Variants in CCL2 observed in about 807,000 individuals in gnomAD.
CCL2 encodes the protein C-C motif chemokine 2.
Under a neutral mutation model 6.7 loss-of-function variants are expected in CCL2, and 2 were observed. The ratio of observed to expected loss-of-function variants is 0.30; its 90% CI spans 0.12 to 0.94. CCL2 has a LOEUF of 0.94. Among genes scored for constraint, CCL2 ranks in the 40% least tolerant of loss-of-function variants. The probability of loss-of-function intolerance (pLI) is 0.54; values close to 1 mark genes in which losing one functional copy is unlikely to be tolerated. For synonymous variants in CCL2, 43 were observed against 45.2 expected, an observed-to-expected ratio of 0.95 and a Z score of 0.19; for missense variants, 89 against 119.3, an observed-to-expected ratio of 0.75 and a Z score of 1.18.
chr17:34,255,464 T>C, intron 1 of CCL2, 39 bp downstream of exon 1: 1 of 1,530,820 alleles, frequency 6.5e-7, no homozygotes, highest in Non-Finnish European at 9.1e-7. Context: ...CACATTGTCT[T>C]CTCTCTGAGT....
rs760761240 is a variant in CCL2 at position 34,256,290 on chromosome 17, G to A, written c.145G>A (p.Ala49Thr). 4.0e-5 allele frequency: 65 copies of A among 1,613,524 alleles called. No homozygotes were observed. Among genetic ancestry groups the A allele is most frequent in the East Asian group, 2.2e-4 (10 of 44,838 alleles). ...TNRKISVQRL[A>T]SYRRITSSKC... is the part of the protein sequence containing the mutation. ...TAGGAAGATCTCAGTGCAGAGGCTC[G>A]CGAGCTATAGAAGAATCACCAGCAG... Residue 49 changes from alanine to threonine, a missense_variant, in exon 2 of 3, where the codon GCG (alanine) becomes ACG (threonine). By Grantham distance (58) the Ala-to-Thr change is moderately conservative. Coordinates refer to ENST00000225831, the MANE Select transcript of CCL2 (RefSeq NM_002982.4).
Position 34,256,829 on chromosome 17 carries a change from C to G in CCL2, c.*2C>G. On this transcript the variant is annotated 3_prime_UTR_variant, in exon 3 of 3. Transcript: ENST00000225831. ...CAAACCCAAACTCCGAAGACTTGAA[C>G]ACTCACTCCACAACCCAAGAATCTG... 6.3e-7 allele frequency: 1 copy of G among 1,591,308 alleles called. No individual in the cohort carries two copies. The highest frequency in any genetic ancestry group is 2.2e-5 in the East Asian group (1 of 44,782).
At chr17:34,255,907 A>C in intron 1 of CCL2, 1 of 297,332 alleles carries the variant, frequency 3.4e-6, no homozygotes, top group East Asian at 6.7e-5. Flanking sequence ...TCCCCAGCTG[A>C]TCTTCCCTGG....
In CCL2 at chr17:34,256,791, C is replaced by T; in HGVS notation, c.264C>T (p.Asp88=). 2 of 1,613,674 alleles carry T rather than the reference C, an allele frequency of 1.2e-6. No individual in the cohort carries two copies. Among genetic ancestry groups the T allele is most frequent in the Non-Finnish European group, 1.7e-6 (2 of 1,179,636 alleles). ...AGAAGTGGGTTCAGGATTCCATGGACCACCTGGACAAGCAAACCCAAACTC... is the reference window on the plus strand; with the variant it reads ...AGAAGTGGGTTCAGGATTCCATGGATCACCTGGACAAGCAAACCCAAACTC... ...PKQKWVQDSM[D]HLDKQTQTPK... is the part of the protein sequence containing the mutation. Residue 88 remains aspartate, a synonymous_variant, in exon 3 of 3, where the codon GAC becomes GAT. Transcript: ENST00000225831.
At position 34,257,031 on chromosome 17, in the gene CCL2, G is replaced by A; in HGVS notation, c.*204G>A. On this transcript the variant is annotated 3_prime_UTR_variant, in exon 3 of 3. Coordinates refer to ENST00000225831, the MANE Select transcript of CCL2 (RefSeq NM_002982.4). The stretch of plus-strand genomic sequence containing the variant: ...TGTTTTTTAGATACAGAGACTTGGG[G>A]AAATTGCTTTTCCTCTTGAACCACA... The A allele has an allele frequency of 2.4e-6, 1 of 425,028 alleles. No individual in the cohort carries two copies. The allele number at this position is 425,028 out of a possible 1,614,324, so 26.3% of individuals were successfully genotyped here.
Position 34,255,337 on chromosome 17 carries a change from T to C in CCL2, c.-13T>C. The C allele has an allele frequency of 6.2e-7, 1 of 1,613,488 alleles. No individual in the cohort carries two copies. The highest frequency in any genetic ancestry group is 1.7e-4 in the Middle Eastern group (1 of 6,058). On this transcript the variant is annotated 5_prime_UTR_variant, in exon 1 of 3. Coordinates refer to ENST00000225831, the MANE Select transcript of CCL2 (RefSeq NM_002982.4). ...CCAATTCTCAAACTGAAGCTCGCAC[T>C]CTCGCCTCCAGCATGAAAGTCTCTG...
chr17:34,255,340 C>T lies in CCL2; in HGVS notation c.-10C>T, dbSNP rs774337603. 1.4e-5 allele frequency: 22 copies of T among 1,613,278 alleles called. No individual in the cohort carries two copies. Among genetic ancestry groups the T allele is most frequent in the East Asian group, 8.9e-5 (4 of 44,860 alleles). On this transcript the variant is annotated 5_prime_UTR_variant, in exon 1 of 3. Transcript: ENST00000225831. Reference sequence around the variant, plus strand: ...ATTCTCAAACTGAAGCTCGCACTCTCGCCTCCAGCATGAAAGTCTCTGCCG... The same window carrying T: ...ATTCTCAAACTGAAGCTCGCACTCTTGCCTCCAGCATGAAAGTCTCTGCCG...
At chr17:34,255,843 A>C in intron 1 of CCL2, 1 of 256,818 alleles carries the variant, frequency 3.9e-6, no homozygotes, top group Non-Finnish European at 7.4e-6. Context: ...TATCAGGGAA[A>C]CTCATGACCA....
chr17:34,255,509 A>C, intron 1 of CCL2, 84 bp downstream of exon 1: 1 of 1,237,154 alleles, frequency 8.1e-7, no homozygotes, highest in Non-Finnish European at 1.2e-6. Flanking sequence ...TGGTACCCAC[A>C]GTCTTGCTTT....
chr17:34,255,302 C>G lies in CCL2; in HGVS notation c.-48C>G, dbSNP rs938810884. 11 of 1,561,232 alleles carry G rather than the reference C, an allele frequency of 7.0e-6. No individual in the cohort carries two copies. The highest frequency in any genetic ancestry group is 8.8e-6 in the Non-Finnish European group (10 of 1,133,500). On this transcript the variant is annotated 5_prime_UTR_variant, in exon 1 of 3. Transcript: ENST00000225831. ...GAGGAACCGAGAGGCTGAGACTAAC[C>G]CAGAAACATCCAATTCTCAAACTGA... is the stretch of plus-strand genomic sequence containing the variant.
At position 34,255,480 on chromosome 17, in the gene CCL2, T is replaced by C. The variant is rs1907657884; in HGVS notation, c.76+55T>C. 4 of 1,450,828 alleles carry C rather than the reference T, an allele frequency of 2.8e-6. No individual in the cohort carries two copies. In the South Asian group the frequency reaches 4.6e-5, roughly 17 times the overall value. The allele number at this position is 1,450,828 out of a possible 1,614,324, so 89.9% of individuals were successfully genotyped here. A position where few individuals can be genotyped will look rare whatever the true frequency, so the allele number is the denominator to read the frequency against. On this transcript the variant is annotated intron_variant, in intron 1 of 2. Coordinates refer to ENST00000225831, the MANE Select transcript of CCL2 (RefSeq NM_002982.4). ...ACATTGTCTTCTCTCTGAGTTATCA[T>C]GGACCATCCAAGCAGACGTGGTACC...
chr17:34,255,481 G>T, intron 1 of CCL2, 56 bp downstream of exon 1: 1 of 1,446,734 alleles, frequency 6.9e-7, no homozygotes. Context: ...GAGTTATCAT[G>T]GACCATCCAA....
At chr17:34,255,774 C>G (rs1013118739) in intron 1 of CCL2, 1 of 294,352 alleles carries the variant, frequency 3.4e-6, no homozygotes, top group Non-Finnish European at 6.3e-6. Context: ...GACCCAGAAT[C>G]TGGTCTGTGC....
rs761285800 is a variant in CCL2, at chr17:34,256,871, C to G, written c.*44C>G. The G allele has an allele frequency of 3.2e-6, 4 of 1,236,028 alleles. No homozygotes were observed. The South Asian group carries it at 5.0e-5, about 15-fold the overall frequency. The allele number at this position is 1,236,028 out of a possible 1,614,324, so 76.6% of individuals were successfully genotyped here. On this transcript the variant is annotated 3_prime_UTR_variant, in exon 3 of 3. Transcript: ENST00000225831. ...AAGAATCTGCAGCTAACTTATTTTCCCCTAGCTTTCCCCAGACACCCTGTT... is the reference window on the plus strand; with the variant it reads ...AAGAATCTGCAGCTAACTTATTTTCGCCTAGCTTTCCCCAGACACCCTGTT...
At position 34,255,353 on chromosome 17, in the gene CCL2, A is replaced by T; in HGVS notation, c.4A>T (p.Lys2Ter). Reference sequence around the variant, plus strand: ...AGCTCGCACTCTCGCCTCCAGCATGAAAGTCTCTGCCGCCCTTCTGTGCCT... The same window carrying T: ...AGCTCGCACTCTCGCCTCCAGCATGTAAGTCTCTGCCGCCCTTCTGTGCCT... M[K>*]VSAALLCLLL... The change falls in exon 1 of 3, where the codon AAA (lysine) becomes TAA (stop). Residue 2 changes from lysine (K) to a stop codon, truncating the protein, a stop_gained. Transcript: ENST00000225831. LOFTEE classifies it high-confidence loss of function. The T allele has an allele frequency of 6.2e-7, 1 of 1,613,856 alleles. No homozygotes were observed. Among genetic ancestry groups the T allele is most frequent in the Non-Finnish European group, 8.5e-7 (1 of 1,179,868 alleles).
intron 1 of CCL2, 162 bp from the exon 2 acceptor site, chr17:34,256,060 C>G: frequency 1.7e-6 from 1 of 585,322 alleles, no homozygotes; most frequent in South Asian, 2.2e-5. Context: ...GGTCAAAGAT[C>G]ACATTCTAGC....
At chr17:34,256,682 G>C (rs1253717076) in intron 2 of CCL2, 40 bp from the exon 3 acceptor site, 2 of 1,442,120 alleles carry the variant, frequency 1.4e-6, no homozygotes, top group East Asian at 4.6e-5. Context: ...GACCAAAACT[G>C]CAAAGGAACT....
At chr17:34,256,149 C>T (rs891547429) in intron 1 of CCL2, 73 bp from the exon 2 acceptor site, 1 of 1,041,752 alleles carries the variant, frequency 9.6e-7, no homozygotes, top group Non-Finnish European at 1.5e-6. Flanking sequence ...TTCCTCATGA[C>T]TCTTTTCTGC....
intron 1 of CCL2, chr17:34,255,883 G>T (rs748675085): frequency 1.4e-5 from 4 of 277,624 alleles, no homozygotes; most frequent in Non-Finnish European, 2.7e-5. Context: ...CTAAAAGGAG[G>T]CTCATAGTGG....
Sources: gnomAD v4.1 joint callset for allele counts on GRCh38, gnomAD v4.1.1 for gene constraint, MANE v1.5 for transcripts, NCBI Gene and HGNC (gene_info 2026-07-23, HGNC 2026-07-21) for gene names.